DEUP1: variants seen among roughly 807,000 people sequenced by gnomAD.
DEUP1 encodes the protein coiled-coil domain containing 67.
Under a neutral mutation model 87.4 loss-of-function variants are expected in DEUP1, and 82 were observed. The observed-to-expected ratio is 0.94, with a 90% CI of 0.78 to 1.13. DEUP1 has a LOEUF of 1.13. Among genes scored for constraint, DEUP1 ranks in the 50% most tolerant of loss-of-function variants. DEUP1 has a pLI of 0.00. For missense variants in DEUP1, 663 were observed against 681.5 expected (o/e 0.97, Z 0.30); for synonymous variants, 214 against 222.7 (o/e 0.96, Z 0.35).
chr11:93,415,567 A>G (rs1947590348), intron 13 of DEUP1, among the ~76,000 whole-genome samples: 1 of 151,960 alleles, frequency 6.6e-6, no homozygotes, highest in Admixed American at 6.6e-5. Context: ...GAATGTAACT[A>G]CCACCCAAGT....
At chr11:93,334,834 G>A (rs1467887637) in intron 2 of DEUP1, among the ~76,000 whole-genome samples, 4 of 130,130 alleles carry the variant, frequency 3.1e-5, no homozygotes, top group South Asian at 5.9e-4. Context: ...TTTTTAAAGT[G>A]TGTTTCCAGA....
chr11:93,409,189 T>C (rs1947365517), intron 12 of DEUP1, among the ~76,000 whole-genome samples: 1 of 152,178 alleles, frequency 6.6e-6, no homozygotes, highest in African/African-American at 2.4e-5. Flanking sequence ...ATTCTAGCAG[T>C]GGCAACAAAT....
intron 13 of DEUP1, among the ~76,000 whole-genome samples, chr11:93,436,748 A>G (rs1325291554): frequency 1.3e-5 from 2 of 152,268 alleles, no homozygotes; most frequent in African/African-American, 4.8e-5. Flanking sequence ...AAATCAAAGA[A>G]GAATATAGCA....
intron 2 of DEUP1, among the ~76,000 whole-genome samples, chr11:93,339,910 A>G (rs948737847): frequency 6.6e-6 from 1 of 152,190 alleles, no homozygotes; most frequent in African/African-American, 2.4e-5. Flanking sequence ...ACTGTCTGGC[A>G]GTAATGAGGT....
At chr11:93,409,657 A>C (rs1947380551) in intron 12 of DEUP1, among the ~76,000 whole-genome samples, 1 of 152,242 alleles carries the variant, frequency 6.6e-6, no homozygotes, top group Non-Finnish European at 1.5e-5. Context: ...CATAATAGTT[A>C]GCATGAAAAA....
chr11:93,379,391 T>C (rs1348737414), intron 7 of DEUP1, among the ~76,000 whole-genome samples: 1 of 152,312 alleles, frequency 6.6e-6, no homozygotes, highest in East Asian at 1.9e-4. Context: ...GAATGGAGAA[T>C]CTTGTTAAAA....
Position 93,371,250 on chromosome 11 carries a change from A to G in DEUP1, c.759A>G (p.Gln253=), listed in dbSNP as rs186879554. Residue 253 remains glutamine, a synonymous_variant, in exon 7 of 14, where the codon CAA becomes CAG. Transcript: ENST00000298050. ...AAGATGAAAATCAGAAGCTCTTGCAAGAACTGAAAATGTACCAAAGACAGT... is the reference window on the plus strand; with the variant it reads ...AAGATGAAAATCAGAAGCTCTTGCAGGAACTGAAAATGTACCAAAGACAGT... The part of the protein sequence containing the change: ...KLQDENQKLL[Q]ELKMYQRQCQ... 1.9e-4 allele frequency: 307 copies of G among 1,613,170 alleles called. No individual in the cohort carries two copies. In the African/African-American group the frequency reaches 3.6e-3, roughly 19 times the overall value.
At chr11:93,387,447 T>C (rs928561532) in intron 8 of DEUP1, among the ~76,000 whole-genome samples, 5 of 150,870 alleles carry the variant, frequency 3.3e-5, no homozygotes, top group Admixed American at 2.6e-4. Context: ...GCTTTTTCTA[T>C]TTTTTTTTAG....
At chr11:93,344,649 A>G (rs1225495291) in intron 2 of DEUP1, among the ~76,000 whole-genome samples, 1 of 152,150 alleles carries the variant, frequency 6.6e-6, no homozygotes, top group East Asian at 1.9e-4. Context: ...GTAGCATTTA[A>G]TTACTTATTT....
At chr11:93,352,486 C>T (rs1944675196) in intron 2 of DEUP1, 1 of 671,660 alleles carries the variant, frequency 1.5e-6, no homozygotes, top group Non-Finnish European at 2.7e-6. Context: ...GTTTGAAACT[C>T]AATAAACCCT....
chr11:93,378,788 C>G (rs1037841845), intron 7 of DEUP1, among the ~76,000 whole-genome samples: 3 of 152,044 alleles, frequency 2.0e-5, no homozygotes, highest in Non-Finnish European at 1.5e-5. Context: ...TGGTGCTCTC[C>G]CACTTTCCCT....
chr11:93,390,728 T>G (rs905993598), intron 9 of DEUP1, among the ~76,000 whole-genome samples: 4 of 152,096 alleles, frequency 2.6e-5, no homozygotes, highest in African/African-American at 9.7e-5. Flanking sequence ...TATAGACCCT[T>G]GGAGGCCACT....
chr11:93,392,262 T>G (rs1322700122), intron 9 of DEUP1, among the ~76,000 whole-genome samples: 3 of 152,198 alleles, frequency 2.0e-5, no homozygotes, highest in African/African-American at 4.8e-5. Flanking sequence ...TTTTTCCAAA[T>G]GTGAACCACC....
chr11:93,401,808 A>G (rs1301435986), intron 11 of DEUP1, among the ~76,000 whole-genome samples: 1 of 152,080 alleles, frequency 6.6e-6, no homozygotes, highest in African/African-American at 2.4e-5. Flanking sequence ...AATTACGTGT[A>G]GAAGAATAAA....
chr11:93,340,025 T>C (rs996953650), intron 2 of DEUP1, among the ~76,000 whole-genome samples: 2 of 152,062 alleles, frequency 1.3e-5, no homozygotes, highest in Non-Finnish European at 2.9e-5. Flanking sequence ...CAAATTAGGG[T>C]TCCTATTTTT....
chr11:93,401,204 A>G (rs532247621), intron 11 of DEUP1, among the ~76,000 whole-genome samples: 11 of 152,270 alleles, frequency 7.2e-5, no homozygotes, highest in Admixed American at 4.6e-4. Flanking sequence ...ATAACTACAG[A>G]GAATATGAAA....
At chr11:93,383,714 C>A in intron 7 of DEUP1, 1 of 532,810 alleles carries the variant, frequency 1.9e-6, no homozygotes, top group East Asian at 3.1e-5. Flanking sequence ...ATTGAACAAA[C>A]AATTTTTTAA....
At chr11:93,390,741 A>G (rs1946740082) in intron 9 of DEUP1, among the ~76,000 whole-genome samples, 2 of 152,160 alleles carry the variant, frequency 1.3e-5, no homozygotes, top group African/African-American at 2.4e-5. Flanking sequence ...AGGCCACTAA[A>G]TACCAGAATG....
chr11:93,385,141 G>A (rs528844008), intron 7 of DEUP1, among the ~76,000 whole-genome samples: 317 of 152,270 alleles, frequency 2.1e-3, no homozygotes, highest in South Asian at 5.0e-3. Context: ...AGAATTGGTT[G>A]AACCCGGGAG....
Sources: gnomAD v4.1 joint callset for allele counts (sites outside exome capture counted in the v4.1 genomes callset) on GRCh38, gnomAD v4.1.1 for gene constraint, MANE v1.5 for transcripts, NCBI Gene and HGNC (gene_info 2026-07-23, HGNC 2026-07-21) for gene names.